DYTN: variants seen among roughly 807,000 people sequenced by gnomAD.
The protein encoded by DYTN is dystrotelin.
DYTN carries 75 observed loss-of-function variants against 69.6 expected under a neutral mutation model. The ratio of observed to expected loss-of-function variants is 1.08; its 90% CI spans 0.89 to 1.31. The LOEUF is 1.31. Ranked by LOEUF, DYTN falls within the 50% of genes most tolerant of loss-of-function variation. The probability of loss-of-function intolerance (pLI) is 0.00; values close to 1 mark genes in which losing one functional copy is unlikely to be tolerated. For synonymous variants in DYTN, 252 were observed against 249.1 expected (o/e 1.01, Z -0.11); for missense variants, 726 against 688.4 (o/e 1.05, Z -0.61).
At chr2:206,710,731 T>G in intron 1 of DYTN, 133 bp from the exon 2 acceptor site, 1 of 633,614 alleles carries the variant, frequency 1.6e-6, no homozygotes, top group Non-Finnish European at 2.5e-6. Flanking sequence ...TTAGAGCTCT[T>G]TTTTTTTCTG....
At chr2:206,661,605 G>A (rs1361334412) in intron 11 of DYTN, among the ~76,000 whole-genome samples, 1 of 152,064 alleles carries the variant, frequency 6.6e-6, no homozygotes, top group Non-Finnish European at 1.5e-5. Flanking sequence ...CCTTTATAAA[G>A]ATCCACTTCC....
chr2:206,684,745 C>T (rs1232924065), intron 9 of DYTN, among the ~76,000 whole-genome samples: 1 of 152,154 alleles, frequency 6.6e-6, no homozygotes, highest in Admixed American at 6.5e-5. Flanking sequence ...ACCTCTTCTT[C>T]CCCATTTTCT....
intron 9 of DYTN, among the ~76,000 whole-genome samples, chr2:206,667,877 G>A (rs1332639465): frequency 6.6e-6 from 1 of 152,176 alleles, no homozygotes; most frequent in South Asian, 2.1e-4. Context: ...GGTATGAAAT[G>A]CAACATTTCT....
At chr2:206,697,225 G>T (rs550432579) in intron 7 of DYTN, among the ~76,000 whole-genome samples, 1 of 152,230 alleles carries the variant, frequency 6.6e-6, no homozygotes, top group South Asian at 2.1e-4. Context: ...ATATGAGAAT[G>T]GTTATTGTGT....
At chr2:206,694,916 A>G in intron 7 of DYTN, 39 bp from the exon 8 acceptor site, 1 of 1,043,204 alleles carries the variant, frequency 9.6e-7, no homozygotes, top group Non-Finnish European at 1.3e-6. Flanking sequence ...CGTCACTAGT[A>G]GATGAGAAAA....
intron 11 of DYTN, among the ~76,000 whole-genome samples, chr2:206,660,888 T>C (rs959989944): frequency 6.6e-6 from 1 of 152,146 alleles, no homozygotes; most frequent in Non-Finnish European, 1.5e-5. Context: ...CCTCCAACAC[T>C]TATGGGCTGA....
intron 9 of DYTN, among the ~76,000 whole-genome samples, chr2:206,670,052 T>C (rs569761130): frequency 3.3e-5 from 5 of 152,348 alleles, no homozygotes; most frequent in African/African-American, 7.2e-5. Flanking sequence ...GCTCAAGAGA[T>C]GATTAGTTCC....
Position 206,718,350 on chromosome 2 carries a change from A to C in DYTN, c.-71T>G. The C allele has an allele frequency of 6.5e-7, 1 of 1,540,134 alleles. No individual in the cohort carries two copies. Among genetic ancestry groups the C allele is most frequent in the Non-Finnish European group, 8.8e-7 (1 of 1,132,882 alleles). ...CTAGAAATGAACCAGTATTTTAAGCAGAAGGTTTTGCAGCAGAGGAATGAG... is the reference window on the plus strand; with the variant it reads ...CTAGAAATGAACCAGTATTTTAAGCCGAAGGTTTTGCAGCAGAGGAATGAG... On this transcript the variant is annotated 5_prime_UTR_variant, in exon 1 of 12. Coordinates refer to ENST00000452335, the MANE Select transcript of DYTN (RefSeq NM_001093730.1).
chr2:206,715,829 C>T (rs566607747), intron 1 of DYTN, among the ~76,000 whole-genome samples: 1 of 152,244 alleles, frequency 6.6e-6, no homozygotes, highest in South Asian at 2.1e-4. Flanking sequence ...GTGGCTCACG[C>T]CTGTAATCCC....
intron 9 of DYTN, among the ~76,000 whole-genome samples, chr2:206,678,727 G>C (rs1329008281): frequency 6.6e-6 from 1 of 152,098 alleles, no homozygotes; most frequent in Non-Finnish European, 1.5e-5. Flanking sequence ...ATGTTTATAG[G>C]AAAGGAAGTA....
intron 1 of DYTN, among the ~76,000 whole-genome samples, chr2:206,716,160 A>G (rs1418112710): frequency 6.6e-6 from 1 of 152,142 alleles, no homozygotes. Context: ...ATTTCATATC[A>G]AGGTACAGTG....
chr2:206,694,632 C>G, intron 8 of DYTN, 134 bp downstream of exon 8: 1 of 567,372 alleles, frequency 1.8e-6, no homozygotes, highest in Non-Finnish European at 2.8e-6. Context: ...GAGTTTGCCA[C>G]TTGCTTAGTC....
At chr2:206,687,777 A>G (rs1314526910) in intron 9 of DYTN, among the ~76,000 whole-genome samples, 3 of 152,154 alleles carry the variant, frequency 2.0e-5, no homozygotes, top group African/African-American at 7.2e-5. Context: ...ATCATATATT[A>G]GGTTCCCATA....
At chr2:206,667,730 G>GTGTGTGTGTT (rs993061113) in intron 9 of DYTN, among the ~76,000 whole-genome samples, 9 of 150,134 alleles carry the variant, frequency 6.0e-5, no homozygotes, top group African/African-American at 2.2e-4. Flanking sequence ...GTGTGTGTGT[G>GTGTGTGTGTT]TTGACATGTC....
intron 7 of DYTN, 45 bp from the exon 8 acceptor site, chr2:206,694,922 G>GAAAAA: frequency 8.4e-6 from 6 of 714,026 alleles, no homozygotes; most frequent in South Asian, 4.1e-5. Flanking sequence ...TAGTAGATGA[G>GAAAAA]AAAAAAAAAA....
At chr2:206,671,357 A>G (rs143832058) in intron 9 of DYTN, among the ~76,000 whole-genome samples, 1 of 152,320 alleles carries the variant, frequency 6.6e-6, no homozygotes, top group African/African-American at 2.4e-5. Flanking sequence ...AAACTGAACT[A>G]TATACAGACT....
chr2:206,696,075 C>A (rs1699917306), intron 7 of DYTN, among the ~76,000 whole-genome samples: 1 of 152,100 alleles, frequency 6.6e-6, no homozygotes, highest in Non-Finnish European at 1.5e-5. Flanking sequence ...AAGTGAAAGG[C>A]ATGGAGAAGA....
At chr2:206,653,844 C>T (rs1699415990) in intron 11 of DYTN, among the ~76,000 whole-genome samples, 1 of 152,156 alleles carries the variant, frequency 6.6e-6, no homozygotes, top group Non-Finnish European at 1.5e-5. Context: ...CCCAGCTTTC[C>T]CCATTGCAGT....
rs140692436 is a variant in DYTN, at chr2:206,684,235, G to A, written c.980+8940C>T. On this transcript the variant is annotated intron_variant, in intron 9 of 11. Coordinates refer to ENST00000452335, the MANE Select transcript of DYTN (RefSeq NM_001093730.1). Reference sequence around the variant, plus strand: ...TCTTCCCTCCTCACCAGCAAAGGATGTTGCCATTCATTTTAATCTTTGTCT... The same window carrying A: ...TCTTCCCTCCTCACCAGCAAAGGATATTGCCATTCATTTTAATCTTTGTCT... Among the ~76,000 whole-genome samples the A allele has an allele frequency of 2.8e-4, 43 of 152,294 alleles. No homozygotes were observed. In the East Asian group the frequency reaches 7.5e-3, roughly 27 times the overall value.
Sources: gnomAD v4.1 joint callset for allele counts (sites outside exome capture counted in the v4.1 genomes callset) on GRCh38, gnomAD v4.1.1 for gene constraint, MANE v1.5 for transcripts, NCBI Gene and HGNC (gene_info 2026-07-23, HGNC 2026-07-21) for gene names.